ITGBL1: variants seen among roughly 807,000 people sequenced by gnomAD.
ITGBL1 encodes integrin subunit beta like 1, also known as integrin beta-like protein 1.
A neutral mutation model predicts 68.5 loss-of-function variants in ITGBL1; 51 were observed. That is an observed-to-expected ratio of 0.74 (90% CI 0.59 to 0.94). The LOEUF (loss-of-function observed/expected upper bound fraction) is 0.94. ITGBL1 is among the 40% of genes least tolerant of loss of function. The pLI, the probability that ITGBL1 is intolerant of heterozygous loss-of-function variation, is 0.00. For synonymous variants in ITGBL1, 209 were observed against 227.3 expected, an observed-to-expected ratio of 0.92 and a Z score of 0.72; for missense variants, 649 against 647.4, an observed-to-expected ratio of 1.00 and a Z score of -0.03.
At chr13:101,582,385 G>A (rs1594904157) in intron 5 of ITGBL1, among the ~76,000 whole-genome samples, 1 of 151,988 alleles carries the variant, frequency 6.6e-6, no homozygotes, top group East Asian at 1.9e-4. Context: ...AATCCAACTG[G>A]TACTTATTTT....
chr13:101,544,472 G>A (rs138519761), intron 2 of ITGBL1, among the ~76,000 whole-genome samples: 3 of 152,210 alleles, frequency 2.0e-5, no homozygotes, highest in Non-Finnish European at 2.9e-5. Context: ...TACTAGGGGG[G>A]TGCCTCCCAG....
downstream of ITGBL1, chr13:101,718,047 T>A (rs1481412584): frequency 6.6e-6 from 1 of 152,160 alleles, no homozygotes; most frequent in Non-Finnish European, 1.5e-5. Flanking sequence ...ATGTGATTCA[T>A]CTAAAATTTT....
At chr13:101,659,560 T>C (rs1566779743) in intron 7 of ITGBL1, among the ~76,000 whole-genome samples, 1 of 152,190 alleles carries the variant, frequency 6.6e-6, no homozygotes, top group Non-Finnish European at 1.5e-5. Context: ...TAATTTACTT[T>C]AAGCTTGATT....
intron 2 of ITGBL1, among the ~76,000 whole-genome samples, chr13:101,481,093 T>TATATAC (rs2048616053): frequency 6.6e-6 from 1 of 150,736 alleles, no homozygotes; most frequent in African/African-American, 2.4e-5. Flanking sequence ...CACATATATA[T>TATATAC]ACACACACGT....
intron 2 of ITGBL1, among the ~76,000 whole-genome samples, chr13:101,559,681 A>G (rs1223894365): frequency 6.6e-6 from 1 of 152,208 alleles, no homozygotes; most frequent in Non-Finnish European, 1.5e-5. Flanking sequence ...TGGGAAAAAC[A>G]TAGCTTTTGA....
intron 7 of ITGBL1, among the ~76,000 whole-genome samples, chr13:101,602,690 A>T (rs528653637): frequency 1.3e-5 from 2 of 151,980 alleles, no homozygotes; most frequent in African/African-American, 4.8e-5. Context: ...AAAGTTTATC[A>T]TCATAAAATA....
At chr13:101,682,605 A>G (rs1433890298) in intron 7 of ITGBL1, among the ~76,000 whole-genome samples, 1 of 152,016 alleles carries the variant, frequency 6.6e-6, no homozygotes. Context: ...TGATCAATAT[A>G]TATTACTTCT....
chr13:101,455,640 G>A (rs2048233400), intron 2 of ITGBL1, among the ~76,000 whole-genome samples: 1 of 152,136 alleles, frequency 6.6e-6, no homozygotes, highest in South Asian at 2.1e-4. Context: ...CTCCAGCCTG[G>A]GCAACAGAGC....
chr13:101,544,180 G>T (rs576593338), intron 2 of ITGBL1, among the ~76,000 whole-genome samples: 358 of 152,174 alleles, frequency 2.4e-3, no homozygotes, highest in African/African-American at 7.9e-3. Context: ...CCATCTTTGT[G>T]GTTTTATCTA....
intron 2 of ITGBL1, among the ~76,000 whole-genome samples, chr13:101,461,497 C>T (rs1054005878): frequency 2.6e-5 from 4 of 151,982 alleles, no homozygotes; most frequent in South Asian, 2.1e-4. Flanking sequence ...GGTTTGAGAC[C>T]GGCCTGGGCA....
chr13:101,671,807 A>T (rs2033384971), intron 7 of ITGBL1, among the ~76,000 whole-genome samples: 2 of 152,232 alleles, frequency 1.3e-5, no homozygotes, highest in South Asian at 2.1e-4. Flanking sequence ...ATCAAAATTC[A>T]GAAACTACAT....
intron 2 of ITGBL1, among the ~76,000 whole-genome samples, chr13:101,475,541 C>G (rs1277010327): frequency 6.6e-6 from 1 of 151,924 alleles, no homozygotes; most frequent in Admixed American, 6.6e-5. Flanking sequence ...ATTTCCAAAC[C>G]TAGAGAAATA....
intron 3 of ITGBL1, among the ~76,000 whole-genome samples, chr13:101,571,302 C>T (rs1056561011): frequency 2.6e-5 from 4 of 152,058 alleles, no homozygotes; most frequent in Non-Finnish European, 5.9e-5. Flanking sequence ...GCAGTCCACC[C>T]CTCTCCACTT....
At chr13:101,565,037 C>T in intron 2 of ITGBL1, among the ~76,000 whole-genome samples, 1 of 151,996 alleles carries the variant, frequency 6.6e-6, no homozygotes, top group East Asian at 1.9e-4. Flanking sequence ...TCCCTCAGGT[C>T]CTCCAGAACT....
intron 2 of ITGBL1, among the ~76,000 whole-genome samples, chr13:101,501,587 C>T (rs1566703985): frequency 6.6e-6 from 1 of 152,042 alleles, no homozygotes; most frequent in East Asian, 1.9e-4. Context: ...TTAGATATTA[C>T]CCAGCAAGGA....
chr13:101,566,831 T>A (rs995783691), intron 2 of ITGBL1, among the ~76,000 whole-genome samples: 2 of 152,170 alleles, frequency 1.3e-5, no homozygotes, highest in African/African-American at 4.8e-5. Context: ...GTCAAGGAAG[T>A]CCAGAAAGTC....
At chr13:101,466,388 A>G (rs1423134316) in intron 2 of ITGBL1, among the ~76,000 whole-genome samples, 2 of 152,158 alleles carry the variant, frequency 1.3e-5, no homozygotes, top group Non-Finnish European at 2.9e-5. Context: ...CTGGCCACTT[A>G]TTCTGTACCC....
chr13:101,703,051 A>G (rs1423919319), intron 8 of ITGBL1, among the ~76,000 whole-genome samples: 1 of 152,158 alleles, frequency 6.6e-6, no homozygotes, highest in Non-Finnish European at 1.5e-5. Context: ...GCATTGTGTT[A>G]GGCACTCTGA....
intron 2 of ITGBL1, among the ~76,000 whole-genome samples, chr13:101,560,514 T>A (rs2050081952): frequency 6.6e-6 from 1 of 152,198 alleles, no homozygotes; most frequent in African/African-American, 2.4e-5. Flanking sequence ...CATGAAGAGA[T>A]AATTAACAAT....
Sources: gnomAD v4.1 joint callset for allele counts (sites outside exome capture counted in the v4.1 genomes callset) on GRCh38, gnomAD v4.1.1 for gene constraint, MANE v1.5 for transcripts, NCBI Gene and HGNC (gene_info 2026-07-23, HGNC 2026-07-21) for gene names.